UBE3A: variants seen among roughly 807,000 people sequenced by gnomAD.
UBE3A encodes ubiquitin-protein ligase E3A.
A neutral mutation model predicts 83.4 loss-of-function variants in UBE3A; 6 were observed. The observed-to-expected ratio is 0.07, with a 90% CI of 0.04 to 0.14. UBE3A has a LOEUF of 0.14. Among genes scored for constraint, UBE3A ranks in the 10% least tolerant of loss-of-function variants. The pLI is 1.00. For missense variants in UBE3A, 456 were observed against 1,036.1 expected (o/e 0.44, Z 7.69); for synonymous variants, 337 against 355.4 (o/e 0.95, Z 0.58).
chr15:25,366,051 A>G (rs1027137336), intron 6 of UBE3A, among the ~76,000 whole-genome samples: 1 of 152,138 alleles, frequency 6.6e-6, no homozygotes, highest in African/African-American at 2.4e-5. Context: ...ATGTAATACT[A>G]AGTTTGATGT....
At chr15:25,385,629 A>G (rs1032957588) in intron 4 of UBE3A, among the ~76,000 whole-genome samples, 1 of 152,150 alleles carries the variant, frequency 6.6e-6, no homozygotes, top group African/African-American at 2.4e-5. Context: ...GTAAAAAATG[A>G]CAAACTTAAA....
At chr15:25,353,292 C>T (rs887288705) in intron 11 of UBE3A, among the ~76,000 whole-genome samples, 3 of 152,276 alleles carry the variant, frequency 2.0e-5, no homozygotes, top group Admixed American at 6.5e-5. Flanking sequence ...CCACATACCA[C>T]GACGAACAAC....
At chr15:25,405,272 C>G (rs968441441) in intron 4 of UBE3A, among the ~76,000 whole-genome samples, 189 bp downstream of exon 4, 1 of 152,042 alleles carries the variant, frequency 6.6e-6, no homozygotes, top group African/African-American at 2.4e-5. Context: ...GTAGTAGAAA[C>G]CTAGTAAACT....
At chr15:25,395,086 A>G (rs1330482565) in intron 4 of UBE3A, among the ~76,000 whole-genome samples, 1 of 152,204 alleles carries the variant, frequency 6.6e-6, no homozygotes, top group Non-Finnish European at 1.5e-5. Flanking sequence ...AGGAAGCCAC[A>G]TGGATTATCA....
rs1435765457 is a variant in UBE3A at position 25,333,806 on chromosome 15, A to G, written c.*5331T>C. 1.3e-5 allele frequency: 2 copies of G among 152,200 alleles called. No homozygotes were observed. The highest frequency in any genetic ancestry group is 2.1e-4 in the South Asian group (1 of 4,830). The allele number at this position is 152,200 out of a possible 1,614,324, so 9.4% of individuals were successfully genotyped here. A position where few individuals can be genotyped will look rare whatever the true frequency, so the allele number is the denominator to read the frequency against. On this transcript the variant is annotated 3_prime_UTR_variant, in exon 13 of 13. Coordinates refer to ENST00000648336, the MANE Select transcript of UBE3A (RefSeq NM_130839.5). ...GAATGCAAAGTTAATTCAATATACA[A>G]AAGTCCATTAATACAACATATTAAT...
rs1303559762 is a variant in UBE3A at position 25,419,926 on chromosome 15, C to T, written c.-164-7955G>A. On this transcript the variant is annotated intron_variant, in intron 1 of 12. Coordinates refer to ENST00000648336, the MANE Select transcript of UBE3A (RefSeq NM_130839.5). ...GGACAAGCTAATAATGGAGACAATACAAAATTCCAAAAATGCTCCATTAAC... is the reference window on the plus strand; with the variant it reads ...GGACAAGCTAATAATGGAGACAATATAAAATTCCAAAAATGCTCCATTAAC... Among the ~76,000 whole-genome samples the T allele has an allele frequency of 2.6e-5, 4 of 151,622 alleles. No homozygotes were observed. In the East Asian group the frequency reaches 7.7e-4, roughly 29 times the overall value.
intron 4 of UBE3A, among the ~76,000 whole-genome samples, chr15:25,396,423 T>C (rs567044734): frequency 8.6e-5 from 13 of 151,928 alleles, no homozygotes; most frequent in South Asian, 6.2e-4. Context: ...CTGGGCAACA[T>C]AGTGAGACCC....
chr15:25,371,145 A>T lies in UBE3A; in HGVS notation c.1029T>A (p.Leu343=). The change falls in exon 6 of 13, where the codon CTT becomes CTA. Residue 343 remains leucine (L), a synonymous_variant. Coordinates refer to ENST00000648336, the MANE Select transcript of UBE3A (RefSeq NM_130839.5). This position sits in a 1 kb window ranked among gnomAD's most constrained non-coding sequence, Gnocchi z 5.3. The stretch of plus-strand genomic sequence containing the variant: ...CATTGCTTATGACTTTATAAGTAAT[A>T]AGTTGCTGAAATGTCTCCATCATTC... ...IRRMMETFQQ[L]ITYKVISNEF... 7 of 1,614,142 alleles carry T rather than the reference A, an allele frequency of 4.3e-6. No individual in the cohort carries two copies. The highest frequency in any genetic ancestry group is 5.9e-6 in the Non-Finnish European group (7 of 1,180,016).
rs916335822 is a variant in UBE3A at position 25,336,453 on chromosome 15, C to T, written c.*2684G>A. ...TTAATGGGAATAGGGAGTGATGCTG[C>T]CCCATTACAACCATCTGTTCTAACA... is the stretch of plus-strand genomic sequence containing the variant. On this transcript the variant is annotated 3_prime_UTR_variant, in exon 13 of 13. Transcript: ENST00000648336. 4 of 152,146 alleles carry T rather than the reference C, an allele frequency of 2.6e-5. No individual in the cohort carries two copies. Among genetic ancestry groups the T allele is most frequent in the African/African-American group, 7.2e-5 (3 of 41,446 alleles). 9.4% of individuals were successfully genotyped at this position (152,146 alleles called of 1,614,324 possible).
chr15:25,382,981 C>T (rs2082457659), intron 4 of UBE3A, among the ~76,000 whole-genome samples: 1 of 152,038 alleles, frequency 6.6e-6, no homozygotes, highest in Admixed American at 6.5e-5. Flanking sequence ...GAAAACTCTA[C>T]CAAACATTTA....
chr15:25,353,940 T>G (rs2076878239), intron 11 of UBE3A: 1 of 240,728 alleles, frequency 4.2e-6, no homozygotes, highest in Non-Finnish European at 8.2e-6. Context: ...ATCTTAAGAA[T>G]TAAATAAAAG....
At position 25,399,855 on chromosome 15, in the gene UBE3A, G is replaced by A. The variant is rs575787896; in HGVS notation, c.62+5606C>T. Among the ~76,000 whole-genome samples the A allele has an allele frequency of 8.3e-4, 126 of 152,100 alleles. 1 individual carries two copies. The highest frequency in any genetic ancestry group is 1.9e-3 in the African/African-American group (80 of 41,462). On this transcript the variant is annotated intron_variant, in intron 4 of 12. Coordinates refer to ENST00000648336, the MANE Select transcript of UBE3A (RefSeq NM_130839.5). ...AGTCTCCCAGAGTGTGGGAATACAC[G>A]TGTGAGCAACTGTGCCTGGCCTGTC...
At chr15:25,400,958 A>G (rs1411572190) in intron 4 of UBE3A, among the ~76,000 whole-genome samples, 1 of 152,202 alleles carries the variant, frequency 6.6e-6, no homozygotes, top group East Asian at 1.9e-4. Flanking sequence ...CCTTTATTTT[A>G]TAGAGGTACA....
At chr15:25,377,261 G>A (rs2081371546) in intron 4 of UBE3A, among the ~76,000 whole-genome samples, 1 of 151,970 alleles carries the variant, frequency 6.6e-6, no homozygotes, top group African/African-American at 2.4e-5. Context: ...GTCCAGGTAG[G>A]TGACAAAAAG....
Position 25,355,873 on chromosome 15 carries a change from A to T in UBE3A, c.2124+19T>A, listed in dbSNP as rs587782925. ...AGTGTTAATGAAGAGACAAAATGTG[A>T]CATAAAAACATTTATTACCTTCCTG... On this transcript the variant is annotated intron_variant, in intron 9 of 12. Coordinates refer to ENST00000648336, the MANE Select transcript of UBE3A (RefSeq NM_130839.5). The T allele has an allele frequency of 6.2e-7, 1 of 1,605,036 alleles. No individual in the cohort carries two copies. Among genetic ancestry groups the T allele is most frequent in the Non-Finnish European group, 8.5e-7 (1 of 1,173,440 alleles).
chr15:25,383,659 C>A (rs533909143), intron 4 of UBE3A, among the ~76,000 whole-genome samples: 1 of 151,896 alleles, frequency 6.6e-6, no homozygotes, highest in Non-Finnish European at 1.5e-5. Flanking sequence ...AAAACAAAAA[C>A]GCTCAATTCG....
At chr15:25,378,234 T>C (rs1214728136) in intron 4 of UBE3A, among the ~76,000 whole-genome samples, 1 of 152,164 alleles carries the variant, frequency 6.6e-6, no homozygotes, top group Non-Finnish European at 1.5e-5. Flanking sequence ...ACTTGTCAGA[T>C]ACATAGTACT....
chr15:25,409,588 T>C (rs1320274011), intron 2 of UBE3A, among the ~76,000 whole-genome samples: 1 of 152,034 alleles, frequency 6.6e-6, no homozygotes, highest in Admixed American at 6.6e-5. Flanking sequence ...TTGGAACTAG[T>C]GTTGAAGGAC....
chr15:25,421,294 C>A (rs915089691), intron 1 of UBE3A, among the ~76,000 whole-genome samples: 3 of 152,216 alleles, frequency 2.0e-5, no homozygotes, highest in African/African-American at 7.2e-5. Flanking sequence ...CATGAGGGCT[C>A]CCCAGAAGCT....
Sources: allele counts gnomAD v4.1 joint callset (sites outside exome capture counted in the v4.1 genomes callset), GRCh38; gene constraint gnomAD v4.1.1; non-coding constraint Gnocchi (gnomAD v3.1); transcripts MANE v1.5; gene names NCBI Gene and HGNC (gene_info 2026-07-23, HGNC 2026-07-21).